ELMO1: variants seen among roughly 807,000 people sequenced by gnomAD.
The protein encoded by ELMO1 is engulfment and cell motility 1.
In ELMO1, 26 loss-of-function variants were observed where a neutral mutation model predicts 98.9. The observed-to-expected ratio is 0.26, with a 90% CI of 0.19 to 0.36. The LOEUF (loss-of-function observed/expected upper bound fraction) is 0.36, where lower values mean the gene tolerates loss of function less well. ELMO1 is among the 10% of genes least tolerant of loss of function. ELMO1 has a pLI of 1.00. For synonymous variants in ELMO1, 346 were observed against 346.0 expected (o/e 1.00, Z 0.00); for missense variants, 627 against 935.2 (o/e 0.67, Z 4.30).
chr7:37,446,541 C>A (rs1358675076), intron 1 of ELMO1, among the ~76,000 whole-genome samples: 1 of 152,134 alleles, frequency 6.6e-6, no homozygotes, highest in Non-Finnish European at 1.5e-5. Flanking sequence ...ATATCATGGG[C>A]AAAGGCCCTA....
intron 13 of ELMO1, among the ~76,000 whole-genome samples, chr7:37,185,310 A>G (rs757984707): frequency 1.2e-4 from 18 of 152,244 alleles, no homozygotes; most frequent in Non-Finnish European, 2.4e-4. Context: ...TCTAAGTAGT[A>G]TCATTTATAG....
intron 1 of ELMO1, among the ~76,000 whole-genome samples, chr7:37,438,632 A>G (rs2131583652): frequency 6.6e-6 from 1 of 152,138 alleles, no homozygotes; most frequent in African/African-American, 2.4e-5. Flanking sequence ...CAGTGATAAT[A>G]ACCTCAATAA....
chr7:36,881,842 G>A (rs918033), intron 18 of ELMO1, among the ~76,000 whole-genome samples: 114,957 of 152,166 alleles, frequency 0.76, 43,600 homozygotes, highest in East Asian at 0.89. Context: ...GAAATTCTCT[G>A]TATCTGTTTT....
At chr7:36,944,081 C>A (rs767296156) in intron 16 of ELMO1, among the ~76,000 whole-genome samples, 6 of 152,222 alleles carry the variant, frequency 3.9e-5, no homozygotes, top group Non-Finnish European at 2.9e-5. Context: ...CACAAGAACA[C>A]ATGCAGCTCT....
intron 1 of ELMO1, chr7:37,375,745 G>A: frequency 4.2e-6 from 5 of 1,186,806 alleles, no homozygotes; most frequent in East Asian, 2.4e-5. Flanking sequence ...TACCAATGAG[G>A]GTATCCAGTA....
intron 16 of ELMO1, among the ~76,000 whole-genome samples, chr7:36,908,376 T>A (rs1179544353): frequency 6.6e-6 from 1 of 152,228 alleles, no homozygotes; most frequent in African/African-American, 2.4e-5. Context: ...CTAAGGAACT[T>A]TCTTAGAATT....
intron 7 of ELMO1, among the ~76,000 whole-genome samples, chr7:37,237,565 C>T (rs1264675567): frequency 6.6e-6 from 1 of 152,194 alleles, no homozygotes; most frequent in East Asian, 1.9e-4. Context: ...GCTGGGATTA[C>T]AGGCGTGAAC....
chr7:37,225,582 C>T (rs995161828), intron 8 of ELMO1, among the ~76,000 whole-genome samples: 2 of 152,104 alleles, frequency 1.3e-5, no homozygotes, highest in Non-Finnish European at 2.9e-5. Context: ...AAACTCGTTA[C>T]CCCTTTCTTC....
chr7:36,882,420 G>A (rs1446138908), intron 18 of ELMO1, among the ~76,000 whole-genome samples: 2 of 151,990 alleles, frequency 1.3e-5, no homozygotes, highest in African/African-American at 2.4e-5. Context: ...TTTTTTGTTG[G>A]TACAAAAAAG....
chr7:37,256,989 A>G (rs1030117712), intron 6 of ELMO1, among the ~76,000 whole-genome samples: 3 of 152,222 alleles, frequency 2.0e-5, no homozygotes, highest in African/African-American at 7.2e-5. Flanking sequence ...TAGCATATTC[A>G]TATGCAATTA....
intron 20 of ELMO1, among the ~76,000 whole-genome samples, chr7:36,864,641 A>T (rs908407930): frequency 2.4e-4 from 37 of 152,178 alleles, no homozygotes; most frequent in Middle Eastern, 3.2e-3. Flanking sequence ...AGAAACTGCC[A>T]CCTGTCCACA....
intron 16 of ELMO1, among the ~76,000 whole-genome samples, chr7:36,925,180 C>T (rs1584380811): frequency 6.6e-6 from 1 of 152,308 alleles, no homozygotes; most frequent in Middle Eastern, 3.4e-3. Context: ...TTGCATGCAC[C>T]ATTCCACTTC....
chr7:37,361,844 C>T (rs1057072724), intron 1 of ELMO1, among the ~76,000 whole-genome samples: 11 of 152,150 alleles, frequency 7.2e-5, no homozygotes, highest in African/African-American at 2.2e-4. Flanking sequence ...ACCTGTAAGT[C>T]CCACCTACTT....
chr7:37,344,615 T>C (rs887419522), intron 1 of ELMO1, among the ~76,000 whole-genome samples: 6 of 152,200 alleles, frequency 3.9e-5, no homozygotes, highest in East Asian at 1.9e-4. Flanking sequence ...GGTCAAAACA[T>C]AGGTGCAGTT....
chr7:37,133,801 T>G (rs565928883), intron 13 of ELMO1, among the ~76,000 whole-genome samples: 2 of 152,170 alleles, frequency 1.3e-5, no homozygotes, highest in Non-Finnish European at 2.9e-5. Flanking sequence ...TCCTGACATC[T>G]GCCTGCTCTC....
At chr7:37,147,769 G>GCACACACGATTTCTGGC (rs1485026899) in intron 13 of ELMO1, among the ~76,000 whole-genome samples, 1 of 146,338 alleles carries the variant, frequency 6.8e-6, no homozygotes, top group East Asian at 1.9e-4. Flanking sequence ...AAGAAATCGT[G>GCACACACGATTTCTGGC]CACACAAGAG....
intron 16 of ELMO1, among the ~76,000 whole-genome samples, chr7:36,902,843 T>G (rs1255486595): frequency 6.6e-6 from 1 of 152,222 alleles, no homozygotes; most frequent in Non-Finnish European, 1.5e-5. Context: ...ACTTTGCCTC[T>G]TGAATATCTG....
chr7:36,863,921 A>C (rs1403981972), intron 20 of ELMO1, among the ~76,000 whole-genome samples: 10 of 152,208 alleles, frequency 6.6e-5, no homozygotes, highest in Non-Finnish European at 1.5e-4. Context: ...TACTAATCTT[A>C]GAGTCATTTA....
At chr7:37,446,897 G>A (rs1158380989) in intron 1 of ELMO1, among the ~76,000 whole-genome samples, 1 of 152,146 alleles carries the variant, frequency 6.6e-6, no homozygotes, top group African/African-American at 2.4e-5. Flanking sequence ...CCAGAGATAG[G>A]AAATGTACAA....
Sources: allele counts gnomAD v4.1 joint callset (sites outside exome capture counted in the v4.1 genomes callset), GRCh38; gene constraint gnomAD v4.1.1; transcripts MANE v1.5; gene names NCBI Gene and HGNC (gene_info 2026-07-23, HGNC 2026-07-21).